The following VSTM2B variants were observed in gnomAD, a reference collection of about 807,000 sequenced individuals.
VSTM2B encodes the protein V-set and transmembrane domain-containing protein 2B.
Under a neutral mutation model 24.0 loss-of-function variants are expected in VSTM2B, and 24 were observed. The ratio of observed to expected loss-of-function variants is 1.00; its 90% CI spans 0.72 to 1.40. VSTM2B has a LOEUF of 1.40. Ranked by LOEUF, VSTM2B falls within the 40% of genes most tolerant of loss-of-function variation. The pLI, the probability that VSTM2B is intolerant of heterozygous loss-of-function variation, is 0.00. For missense variants in VSTM2B, 399 were observed against 416.4 expected (o/e 0.96, Z 0.36); for synonymous variants, 226 against 194.4 (o/e 1.16, Z -1.35).
chr19:29,556,999 C>A (rs995708325), intron 4 of VSTM2B, among the ~76,000 whole-genome samples: 2 of 152,142 alleles, frequency 1.3e-5, no homozygotes, highest in Non-Finnish European at 2.9e-5. Flanking sequence ...ATTAAACTAC[C>A]ATTGACATGC....
At chr19:29,545,672 T>C (rs1158711338) in intron 4 of VSTM2B, among the ~76,000 whole-genome samples, 1 of 152,190 alleles carries the variant, frequency 6.6e-6, no homozygotes, top group Non-Finnish European at 1.5e-5. Flanking sequence ...GGTTCTTTTT[T>C]ATGGCTGCAT....
Position 29,547,832 on chromosome 19 carries a change from T to C in VSTM2B, c.770-16014T>C, listed in dbSNP as rs74323242. ...AGTCGTTCTGCGGGGTCAGCCTGGA[T>C]ATGCCTGTAGGGAACCAGAGCACAT... On this transcript the variant is annotated intron_variant, in intron 4 of 4. Coordinates refer to ENST00000335523, the MANE Select transcript of VSTM2B (RefSeq NM_001146339.2). 8.5e-5 allele frequency among the ~76,000 whole-genome samples: 13 copies of C among 152,088 alleles called. No individual in the cohort carries two copies. The East Asian group carries it at 2.5e-3, about 30-fold the overall frequency.
intron 4 of VSTM2B, among the ~76,000 whole-genome samples, chr19:29,553,541 C>T (rs1970334756): frequency 6.6e-6 from 1 of 152,196 alleles, no homozygotes; most frequent in Admixed American, 6.5e-5. Flanking sequence ...CGCCAGAGTG[C>T]CTCTTCTCCT....
In VSTM2B at chr19:29,530,289, G is replaced by A. The variant is rs1275472902; in HGVS notation, c.768G>A (p.Ser256=). 8.0e-6 allele frequency: 12 copies of A among 1,497,968 alleles called. No individual in the cohort carries two copies. The East Asian group carries it at 3.4e-4, about 42-fold the overall frequency. 92.8% of individuals were successfully genotyped at this position (1,497,968 alleles called of 1,614,324 possible). The change falls in exon 4 of 5, where the codon TCG becomes TCA. Residue 256 remains serine, a splice_region_variant and synonymous_variant. Coordinates refer to ENST00000335523, the MANE Select transcript of VSTM2B (RefSeq NM_001146339.2). ...TCCTGCTGCGCCAGAGGCACGGCTC[G>A]GGTAAGGGATCGCGGAGAGGGGGCG... ...QAVLLRQRHG[S]GTGRSYTTDP...
Position 29,529,868 on chromosome 19 carries a change from C to A in VSTM2B, c.347C>A (p.Ala116Asp). 1 of 1,550,096 alleles carries A rather than the reference C, an allele frequency of 6.5e-7. No individual in the cohort carries two copies. The highest frequency in any genetic ancestry group is 1.2e-5 in the South Asian group (1 of 83,944). ...ATCTCACACCGGCTTCGGCTGTCTGCCGTGCGGCTGCAGGACGAGGGCGTG... is the reference window on the plus strand; with the variant it reads ...ATCTCACACCGGCTTCGGCTGTCTGACGTGCGGCTGCAGGACGAGGGCGTG... The part of the protein sequence containing the change: ...NDISHRLRLS[A>D]VRLQDEGVYE... Residue 116 changes from alanine to aspartate, a missense_variant, in exon 4 of 5, where the codon GCC becomes GAC. Physicochemically the swap from Ala to Asp is moderately radical, Grantham distance 126. Coordinates refer to ENST00000335523, the MANE Select transcript of VSTM2B (RefSeq NM_001146339.2).
chr19:29,558,779 G>A (rs1970468631), intron 4 of VSTM2B, among the ~76,000 whole-genome samples: 1 of 152,188 alleles, frequency 6.6e-6, no homozygotes, highest in South Asian at 2.1e-4. Flanking sequence ...CCTAGGTGAT[G>A]AGTTGATAGG....
chr19:29,556,451 G>A (rs1970410838), intron 4 of VSTM2B, among the ~76,000 whole-genome samples: 1 of 152,200 alleles, frequency 6.6e-6, no homozygotes, highest in Non-Finnish European at 1.5e-5. Context: ...AAAGCTGAAA[G>A]TGTTCCCCTT....
intron 4 of VSTM2B, among the ~76,000 whole-genome samples, chr19:29,532,706 T>C (rs1056210884): frequency 2.4e-4 from 36 of 152,306 alleles, no homozygotes; most frequent in African/African-American, 8.7e-4. Flanking sequence ...GGTATGGAAA[T>C]TGCTGCACAT....
chr19:29,529,986 C>A lies in VSTM2B; in HGVS notation c.465C>A (p.Pro155=). Residue 155 remains proline, a synonymous_variant, in exon 4 of 5, where the codon CCC becomes CCA. Transcript: ENST00000335523. The part of the protein sequence containing the change: ...MLRVLSRFAP[P]NMQAAEAVSH... Reference sequence around the variant, plus strand: ...GCGTGCTCTCGCGCTTCGCGCCGCCCAACATGCAGGCCGCCGAGGCCGTGT... The same window carrying A: ...GCGTGCTCTCGCGCTTCGCGCCGCCAAACATGCAGGCCGCCGAGGCCGTGT... The A allele has an allele frequency of 6.5e-7, 1 of 1,544,436 alleles. No individual in the cohort carries two copies. The highest frequency in any genetic ancestry group is 8.7e-7 in the Non-Finnish European group (1 of 1,146,418).
At chr19:29,528,394 C>A (rs1969639349) in intron 2 of VSTM2B, 39 bp from the exon 3 acceptor site, 7 of 1,550,910 alleles carry the variant, frequency 4.5e-6, no homozygotes, top group Non-Finnish European at 4.4e-6. Flanking sequence ...GCCAGAAGGC[C>A]GCGAGCCTCA....
chr19:29,544,378 T>C (rs1389237760), intron 4 of VSTM2B, among the ~76,000 whole-genome samples: 1 of 151,112 alleles, frequency 6.6e-6, no homozygotes, highest in African/African-American at 2.4e-5. Context: ...TATAAAAAAT[T>C]AGCCGGGCTT....
intron 4 of VSTM2B, among the ~76,000 whole-genome samples, chr19:29,534,480 C>T (rs1391955353): frequency 2.6e-5 from 4 of 152,042 alleles, no homozygotes; most frequent in Admixed American, 6.6e-5. Flanking sequence ...TTTGGAAGGC[C>T]GAGGCGGGTG....
intron 4 of VSTM2B, among the ~76,000 whole-genome samples, chr19:29,560,267 C>A (rs538121431): frequency 6.6e-6 from 1 of 152,250 alleles, no homozygotes; most frequent in Admixed American, 6.5e-5. Context: ...GGACTTGTAG[C>A]CATTTTTGCA....
At chr19:29,542,798 T>C (rs145202921) in intron 4 of VSTM2B, among the ~76,000 whole-genome samples, 11 of 152,240 alleles carry the variant, frequency 7.2e-5, no homozygotes, top group Non-Finnish European at 1.3e-4. Context: ...GGATTGGGAT[T>C]GCAGGCATGC....
chr19:29,537,283 T>C (rs571002426), intron 4 of VSTM2B, among the ~76,000 whole-genome samples: 1 of 152,284 alleles, frequency 6.6e-6, no homozygotes, highest in African/African-American at 2.4e-5. Context: ...AGATGTGCTA[T>C]AAATACCAAG....
In VSTM2B at chr19:29,527,314, G is replaced by T. The variant is rs374579102; in HGVS notation, c.186G>T (p.Glu62Asp). The T allele has an allele frequency of 1.2e-5, 19 of 1,550,228 alleles. No homozygotes were observed. Among genetic ancestry groups the T allele is most frequent in the Non-Finnish European group, 1.6e-5 (18 of 1,146,802 alleles). The part of the protein sequence containing the change: ...RASGATSYSL[E>D]IQWWYLKEPP... ...GCGGAGCCACCTCGTATTCGCTGGA[G>T]ATTCAGTGGTGGTACCTCAAGGAGC... The change falls in exon 2 of 5, where the codon GAG becomes GAT. Residue 62 changes from glutamate to aspartate, a missense_variant. Glu to Asp is a conservative substitution (Grantham distance 45). Transcript: ENST00000335523.
At chr19:29,554,901 C>T (rs1970372824) in intron 4 of VSTM2B, among the ~76,000 whole-genome samples, 1 of 152,068 alleles carries the variant, frequency 6.6e-6, no homozygotes, top group Non-Finnish European at 1.5e-5. Flanking sequence ...ACAGGAGTAC[C>T]CAGATTCATA....
intron 4 of VSTM2B, among the ~76,000 whole-genome samples, chr19:29,547,046 T>A (rs1318801292): frequency 6.6e-6 from 1 of 152,196 alleles, no homozygotes; most frequent in Non-Finnish European, 1.5e-5. Context: ...CCAGACTGCC[T>A]GGGTGCAAGT....
chr19:29,531,527 T>C (rs1338064382), intron 4 of VSTM2B, among the ~76,000 whole-genome samples: 2 of 152,202 alleles, frequency 1.3e-5, no homozygotes, highest in Non-Finnish European at 2.9e-5. Context: ...CTCCGACAGT[T>C]GAGCCTGCAG....
Sources: allele counts gnomAD v4.1 joint callset (sites outside exome capture counted in the v4.1 genomes callset), GRCh38; gene constraint gnomAD v4.1.1; transcripts MANE v1.5; gene names NCBI Gene and HGNC (gene_info 2026-07-23, HGNC 2026-07-21).